ABCB1: variants seen among roughly 807,000 people sequenced by gnomAD.
ABCB1 encodes the protein ATP binding cassette subfamily B member 1, also known as ATP-dependent translocase ABCB1.
In ABCB1, 69 loss-of-function variants were observed where a neutral mutation model predicts 142.0. The ratio of observed to expected loss-of-function variants is 0.49; its 90% confidence interval spans 0.40 to 0.59. ABCB1 has a LOEUF of 0.59. Among genes scored for constraint, ABCB1 ranks in the 20% least tolerant of loss-of-function variants. ABCB1 has a pLI of 0.00. For synonymous variants in ABCB1, 532 were observed against 539.2 expected (o/e 0.99, Z 0.18); for missense variants, 1,326 against 1,554.7 (o/e 0.85, Z 2.47).
At chr7:87,539,520 C>G (rs916079172) in intron 18 of ABCB1, among the ~76,000 whole-genome samples, 175 bp from the exon 19 acceptor site, 8 of 152,142 alleles carry the variant, frequency 5.3e-5, no homozygotes, top group Non-Finnish European at 1.0e-4. Context: ...GTGGTGTAGA[C>G]AGAAAAGCCC....
chr7:87,595,691 G>T, intron 3 of ABCB1, 75 bp downstream of exon 3: 1 of 1,222,072 alleles, frequency 8.2e-7, no homozygotes, highest in Non-Finnish European at 1.2e-6. Flanking sequence ...TACATCAGAT[G>T]AAATATCTCT....
chr7:87,700,879 A>C (rs1169288916), intron 1 of ABCB1, among the ~76,000 whole-genome samples: 1 of 152,242 alleles, frequency 6.6e-6, no homozygotes, highest in African/African-American at 2.4e-5. Context: ...ATGGTGGATA[A>C]AACTGTTGGA....
intron 4 of ABCB1, among the ~76,000 whole-genome samples, chr7:87,579,989 T>C (rs1449375998): frequency 6.6e-6 from 1 of 152,200 alleles, no homozygotes; most frequent in Non-Finnish European, 1.5e-5. Context: ...TCTGTTTATA[T>C]CTTATTAGAC....
chr7:87,680,777 G>A (rs536916609), intron 1 of ABCB1, among the ~76,000 whole-genome samples: 4 of 149,614 alleles, frequency 2.7e-5, no homozygotes, highest in African/African-American at 9.9e-5. Context: ...CTTGGGCAAG[G>A]AGTGAAACTC....
intron 1 of ABCB1, among the ~76,000 whole-genome samples, chr7:87,708,659 T>C (rs569659883): frequency 1.9e-4 from 29 of 152,240 alleles, no homozygotes; most frequent in Middle Eastern, 6.8e-3. Flanking sequence ...TTAAACTCTC[T>C]TAAATGCTGA....
chr7:87,712,986 G>A (rs889993171), intron 1 of ABCB1, among the ~76,000 whole-genome samples: 8 of 151,796 alleles, frequency 5.3e-5, no homozygotes, highest in Non-Finnish European at 1.0e-4. Flanking sequence ...TAAAAAATGC[G>A]GCAAAAAAAT....
chr7:87,536,639 C>T, intron 19 of ABCB1, 98 bp from the exon 20 acceptor site: 1 of 996,152 alleles, frequency 1.0e-6, no homozygotes, highest in Non-Finnish European at 1.6e-6. Flanking sequence ...ATACTTATAC[C>T]CCCTGCATTT....
intron 4 of ABCB1, among the ~76,000 whole-genome samples, chr7:87,574,468 T>C (rs750023324): frequency 3.3e-5 from 5 of 152,220 alleles, no homozygotes; most frequent in Non-Finnish European, 5.9e-5. Flanking sequence ...TTTTGCACAC[T>C]TGGATTCTGG....
At chr7:87,539,243 A>G (rs1816421235) in intron 19 of ABCB1, 25 bp downstream of exon 19, 3 of 1,611,438 alleles carry the variant, frequency 1.9e-6, no homozygotes, top group Non-Finnish European at 2.5e-6. Context: ...TACACATCCC[A>G]GGGCACAGCC....
chr7:87,587,230 T>A (rs1818796161), intron 3 of ABCB1, among the ~76,000 whole-genome samples: 1 of 152,186 alleles, frequency 6.6e-6, no homozygotes, highest in African/African-American at 2.4e-5. Context: ...ATCAAACTCC[T>A]TAGTACAGGA....
chr7:87,581,914 G>A (rs918782440), intron 4 of ABCB1, among the ~76,000 whole-genome samples: 8 of 152,112 alleles, frequency 5.3e-5, no homozygotes, highest in African/African-American at 1.2e-4. Flanking sequence ...ACTGTATCTC[G>A]GGCCCCAAGA....
intron 4 of ABCB1, among the ~76,000 whole-genome samples, chr7:87,577,508 C>G (rs558510748): frequency 6.6e-6 from 1 of 152,154 alleles, no homozygotes; most frequent in South Asian, 2.1e-4. Flanking sequence ...CATGGTTGTA[C>G]TAATTTACAT....
intron 1 of ABCB1, among the ~76,000 whole-genome samples, chr7:87,705,127 T>C (rs1241772809): frequency 6.6e-6 from 1 of 152,032 alleles, no homozygotes. Flanking sequence ...TACTTTTGTC[T>C]AGGTTAAGAT....
chr7:87,521,617 A>T, intron 21 of ABCB1: 2 of 769,716 alleles, frequency 2.6e-6, no homozygotes, highest in Non-Finnish European at 4.7e-6. Flanking sequence ...TCCAAATACC[A>T]AGCGCTCAAG....
intron 5 of ABCB1, among the ~76,000 whole-genome samples, chr7:87,569,369 T>A (rs993017923): frequency 6.6e-6 from 1 of 151,244 alleles, no homozygotes; most frequent in Non-Finnish European, 1.5e-5. Context: ...TTTTTTCAAA[T>A]GTACCCAGAT....
intron 1 of ABCB1, among the ~76,000 whole-genome samples, chr7:87,648,421 T>C (rs1823243916): frequency 6.6e-6 from 1 of 151,946 alleles, no homozygotes; most frequent in Non-Finnish European, 1.5e-5. Flanking sequence ...GAAGTGACAC[T>C]GACAGAACAC....
intron 1 of ABCB1, among the ~76,000 whole-genome samples, chr7:87,696,687 A>G (rs542760178): frequency 1.8e-4 from 28 of 152,298 alleles, no homozygotes; most frequent in Non-Finnish European, 3.5e-4. Context: ...GAAGGAAGCC[A>G]GAATCAAGCC....
At chr7:87,605,943 T>C (rs1819635242) in intron 1 of ABCB1, among the ~76,000 whole-genome samples, 1 of 152,030 alleles carries the variant, frequency 6.6e-6, no homozygotes, top group South Asian at 2.1e-4. Flanking sequence ...TAATGGACAT[T>C]GAAAATAAAT....
chr7:87,610,981 A>G (rs1819830474), intron 1 of ABCB1, among the ~76,000 whole-genome samples: 1 of 152,112 alleles, frequency 6.6e-6, no homozygotes, highest in South Asian at 2.1e-4. Flanking sequence ...TGTCCAAACC[A>G]CTATATCCAC....
Sources: gnomAD v4.1 joint callset for allele counts (sites outside exome capture counted in the v4.1 genomes callset) on GRCh38, gnomAD v4.1.1 for gene constraint, MANE v1.5 for transcripts, NCBI Gene and HGNC (gene_info 2026-07-23, HGNC 2026-07-21) for gene names.